Variants in CCDC33 observed in about 807,000 individuals in gnomAD.
CCDC33 encodes the protein coiled-coil domain containing 33.
CCDC33 carries 94 observed loss-of-function variants against 91.9 expected under a neutral mutation model. That is an observed-to-expected ratio of 1.02 (90% CI 0.87 to 1.21). The LOEUF (loss-of-function observed/expected upper bound fraction) is 1.21. Among genes scored for constraint, CCDC33 ranks in the 50% most tolerant of loss-of-function variants. CCDC33 has a pLI of 0.00. For synonymous variants in CCDC33, 396 were observed against 374.5 expected, an observed-to-expected ratio of 1.06 and a Z score of -0.66; for missense variants, 940 against 935.5, an observed-to-expected ratio of 1.00 and a Z score of -0.06.
chr15:74,335,501 C>A, intron 18 of CCDC33: 2 of 407,428 alleles, frequency 4.9e-6, no homozygotes, highest in Non-Finnish European at 8.9e-6. Context: ...TCTCAGATGG[C>A]CACGATGTAG....
chr15:74,284,803 G>A (rs1307998191), intron 10 of CCDC33, among the ~76,000 whole-genome samples: 1 of 152,240 alleles, frequency 6.6e-6, no homozygotes, highest in African/African-American at 2.4e-5. Context: ...AAAGAGATCA[G>A]GTTCCTGCCC....
At chr15:74,226,689 G>A (rs541016453) in intron 2 of CCDC33, among the ~76,000 whole-genome samples, 3 of 152,078 alleles carry the variant, frequency 2.0e-5, no homozygotes, top group African/African-American at 4.8e-5. Flanking sequence ...TTAGCCCGTC[G>A]TGGTGGCATG....
At chr15:74,291,472 G>A (rs927091867) in intron 10 of CCDC33, among the ~76,000 whole-genome samples, 1 of 152,266 alleles carries the variant, frequency 6.6e-6, no homozygotes, top group African/African-American at 2.4e-5. Flanking sequence ...ATACAGGCGG[G>A]CAGAGCCCAA....
At chr15:74,258,740 G>A (rs1378265306) in intron 2 of CCDC33, among the ~76,000 whole-genome samples, 1 of 152,152 alleles carries the variant, frequency 6.6e-6, no homozygotes, top group Admixed American at 6.5e-5. Flanking sequence ...CTTGCTTTCT[G>A]TCCATCAAAT....
At chr15:74,293,812 C>T (rs774158072) in intron 10 of CCDC33, among the ~76,000 whole-genome samples, 2 of 152,276 alleles carry the variant, frequency 1.3e-5, no homozygotes, top group East Asian at 1.9e-4. Context: ...TTCTCTTTGG[C>T]GTTGTCTATT....
chr15:74,318,604 G>GC, intron 11 of CCDC33: 1 of 739,990 alleles, frequency 1.4e-6, no homozygotes, highest in South Asian at 1.5e-5. Context: ...GGGAGCCAGG[G>GC]CCCCCATCCC....
At position 74,315,014 on chromosome 15, in the gene CCDC33, G is replaced by A. The variant is rs564911326; in HGVS notation, c.1291-15175G>A. Among the ~76,000 whole-genome samples the A allele has an allele frequency of 2.6e-4, 39 of 152,322 alleles. No individual in the cohort carries two copies. The East Asian group carries it at 2.7e-3, about 11-fold the overall frequency. ...TCCCCCACCCCCGTGTGTCTGATGC[G>A]GTGGTTTTATTGCGGGCAGTGAGGG... is the stretch of plus-strand genomic sequence containing the variant. On this transcript the variant is annotated intron_variant, in intron 11 of 18. Transcript: ENST00000398814.
intron 2 of CCDC33, chr15:74,209,610 G>T: frequency 1.6e-6 from 1 of 635,036 alleles, no homozygotes; most frequent in Non-Finnish European, 2.7e-6. Context: ...CTCACAGACA[G>T]GCTGGGGTTC....
intron 1 of CCDC33, among the ~76,000 whole-genome samples, chr15:74,240,915 G>A (rs1245406803): frequency 6.6e-6 from 1 of 152,184 alleles, no homozygotes; most frequent in Non-Finnish European, 1.5e-5. Context: ...AGGTCTTTTT[G>A]CCCTGAGGCT....
At chr15:74,251,102 G>A (rs775311397) in intron 2 of CCDC33, among the ~76,000 whole-genome samples, 1 of 152,240 alleles carries the variant, frequency 6.6e-6, no homozygotes, top group Non-Finnish European at 1.5e-5. Context: ...TCTTCCCATG[G>A]CCAGGATGTA....
At chr15:74,325,668 A>G (rs542709788) in intron 11 of CCDC33, among the ~76,000 whole-genome samples, 28 of 152,278 alleles carry the variant, frequency 1.8e-4, no homozygotes, top group Admixed American at 1.5e-3. Context: ...GACCTTGGGA[A>G]CACTACTTCC....
chr15:74,281,843 C>G lies in CCDC33; in HGVS notation c.1089C>G (p.Ser363=). ...PTVALSFQLL[S]SERPENFLTP... is the part of the protein sequence containing the mutation. ...TGGCTCTCTCCTTCCAGCTGCTTTC[C>G]TCTGAGGTAAGGCTGTGGGCCAGGG... The change falls in exon 10 of 19, where the codon TCC becomes TCG. Residue 363 remains serine, a synonymous_variant. Coordinates refer to ENST00000398814, the MANE Select transcript of CCDC33 (RefSeq NM_025055.5). The G allele has an allele frequency of 6.2e-7, 1 of 1,613,932 alleles. No homozygotes were observed. Among genetic ancestry groups the G allele is most frequent in the South Asian group, 1.1e-5 (1 of 91,046 alleles).
At chr15:74,303,785 C>T (rs547168616) in intron 11 of CCDC33, 1 of 152,298 alleles carries the variant, frequency 6.6e-6, no homozygotes, top group African/African-American at 2.4e-5. Flanking sequence ...CTGGGAGCAC[C>T]GCCTGCTGAC....
intron 11 of CCDC33, among the ~76,000 whole-genome samples, chr15:74,307,792 C>T (rs2059917389): frequency 6.6e-6 from 1 of 151,988 alleles, no homozygotes; most frequent in African/African-American, 2.4e-5. Flanking sequence ...ATGTTCCATT[C>T]CTCTACCTCA....
chr15:74,224,345 G>A (rs953100884), intron 2 of CCDC33, among the ~76,000 whole-genome samples: 40 of 152,356 alleles, frequency 2.6e-4, no homozygotes, highest in African/African-American at 9.4e-4. Flanking sequence ...TGGGGTCCCT[G>A]AAGGAGAGCC....
intron 2 of CCDC33, among the ~76,000 whole-genome samples, chr15:74,259,742 G>A (rs1158981563): frequency 6.6e-6 from 1 of 152,188 alleles, no homozygotes; most frequent in Non-Finnish European, 1.5e-5. Flanking sequence ...AGGAGGGTTG[G>A]GAGGATACGA....
chr15:74,333,840 C>T (rs775846454), intron 16 of CCDC33, 41 bp from the exon 17 acceptor site: 2 of 1,538,720 alleles, frequency 1.3e-6, no homozygotes, highest in Non-Finnish European at 9.0e-7. Context: ...CTGCCACAGC[C>T]TCCAGCTGGG....
At chr15:74,259,932 C>A (rs1023971908) in intron 2 of CCDC33, among the ~76,000 whole-genome samples, 5 of 152,264 alleles carry the variant, frequency 3.3e-5, no homozygotes, top group Non-Finnish European at 5.9e-5. Context: ...GGGTTGACAT[C>A]TGGGTGCAGA....
At chr15:74,214,781 A>C (rs1441728509), upstream of CCDC33, among the ~76,000 whole-genome samples, 1 of 152,214 alleles carries the variant, frequency 6.6e-6, no homozygotes, top group Non-Finnish European at 1.5e-5. Context: ...AATTTGACTC[A>C]AAAGCCCAAA....
Sources: allele counts gnomAD v4.1 joint callset (sites outside exome capture counted in the v4.1 genomes callset), GRCh38; gene constraint gnomAD v4.1.1; transcripts MANE v1.5; gene names NCBI Gene and HGNC (gene_info 2026-07-23, HGNC 2026-07-21).